The following PLXNA4 variants were observed in gnomAD, a reference collection of about 807,000 sequenced individuals.
PLXNA4 encodes plexin A4.
In PLXNA4, 44 loss-of-function variants were observed where a neutral mutation model predicts 191.8. The observed-to-expected ratio is 0.23, with a 90% CI of 0.18 to 0.29. The LOEUF (loss-of-function observed/expected upper bound fraction) is 0.29. PLXNA4 is among the 10% of genes least tolerant of loss of function. The probability of loss-of-function intolerance (pLI) is 1.00; values close to 1 mark genes in which losing one functional copy is unlikely to be tolerated. For synonymous variants in PLXNA4, 1,082 were observed against 1,009.5 expected, an observed-to-expected ratio of 1.07 and a Z score of -1.36; for missense variants, 1,800 against 2,488.8, an observed-to-expected ratio of 0.72 and a Z score of 5.89.
At chr7:132,644,543 T>G (rs1268872009) in intron 2 of PLXNA4, among the ~76,000 whole-genome samples, 2 of 152,168 alleles carry the variant, frequency 1.3e-5, no homozygotes, top group Non-Finnish European at 2.9e-5. Context: ...TCAAAGGGGC[T>G]GGGTGACCAG....
rs1267424766 is a variant in PLXNA4, at chr7:132,461,484, A to T, written c.1371+27808T>A. Among the ~76,000 whole-genome samples, 3 of 152,234 alleles carry T rather than the reference A, an allele frequency of 2.0e-5. No homozygotes were observed. The East Asian group carries it at 5.8e-4, about 29-fold the overall frequency. The stretch of plus-strand genomic sequence containing the variant: ...GCCCTCCAAAGAGAAAACATCACAG[A>T]GCAGACATCTTGATGAGAATGATAA... On this transcript the variant is annotated intron_variant, in intron 3 of 31. Transcript: ENST00000321063.
intron 1 of PLXNA4, among the ~76,000 whole-genome samples, chr7:132,545,530 CA>C (rs1222843198): frequency 3.3e-5 from 5 of 152,180 alleles, no homozygotes; most frequent in African/African-American, 1.2e-4. Context: ...AATCCTTGTA[CA>C]TTTGCCACCC....
chr7:132,404,290 T>C (rs1585089718), intron 3 of PLXNA4, among the ~76,000 whole-genome samples: 1 of 152,294 alleles, frequency 6.6e-6, no homozygotes, highest in South Asian at 2.1e-4. Context: ...AAGAAAGCTT[T>C]CCAAAGACCC....
chr7:132,289,800 TG>T (rs2116453422), intron 4 of PLXNA4, among the ~76,000 whole-genome samples: 2 of 152,184 alleles, frequency 1.3e-5, no homozygotes, highest in South Asian at 4.2e-4. Flanking sequence ...CTCAAAGTGC[TG>T]GGATTATAGG....
intron 3 of PLXNA4, among the ~76,000 whole-genome samples, chr7:132,375,305 C>T (rs979927870): frequency 8.0e-5 from 12 of 149,180 alleles, no homozygotes; most frequent in Non-Finnish European, 1.5e-4. Flanking sequence ...CCCCAGCCCT[C>T]AAAACAATTT....
At chr7:132,190,541 G>GT (rs1306120594) in intron 14 of PLXNA4, among the ~76,000 whole-genome samples, 1 of 152,186 alleles carries the variant, frequency 6.6e-6, no homozygotes, top group Non-Finnish European at 1.5e-5. Flanking sequence ...AGGGCATTTT[G>GT]TTTAATGGTC....
intron 3 of PLXNA4, among the ~76,000 whole-genome samples, chr7:132,341,072 C>T (rs1293292614): frequency 6.6e-6 from 1 of 152,158 alleles, no homozygotes; most frequent in Admixed American, 6.5e-5. Flanking sequence ...TTTCGAGGGG[C>T]ATGAGGTTTA....
At chr7:132,594,153 GT>G (rs1252583825) in intron 2 of PLXNA4, among the ~76,000 whole-genome samples, 7 of 152,232 alleles carry the variant, frequency 4.6e-5, no homozygotes, top group Non-Finnish European at 1.0e-4. Context: ...TAGGGACATT[GT>G]AGATGTAATT....
chr7:132,524,409 G>T (rs1309192696), intron 1 of PLXNA4, among the ~76,000 whole-genome samples: 1 of 152,174 alleles, frequency 6.6e-6, no homozygotes, highest in African/African-American at 2.4e-5. Context: ...GATTGAAAAT[G>T]GAAAAGGGGA....
At chr7:132,282,057 C>T (rs201309729) in intron 4 of PLXNA4, among the ~76,000 whole-genome samples, 2 of 152,152 alleles carry the variant, frequency 1.3e-5, no homozygotes, top group East Asian at 3.9e-4. Context: ...CTCTCTAATG[C>T]ATGAATGACT....
chr7:132,447,001 T>C (rs1286194161), intron 3 of PLXNA4, among the ~76,000 whole-genome samples: 1 of 152,200 alleles, frequency 6.6e-6, no homozygotes, highest in African/African-American at 2.4e-5. Context: ...TGCCCAGTGA[T>C]CTGCTGATTT....
intron 4 of PLXNA4, among the ~76,000 whole-genome samples, chr7:132,262,038 C>A (rs1389094439): frequency 6.6e-6 from 1 of 152,190 alleles, no homozygotes; most frequent in Non-Finnish European, 1.5e-5. Context: ...GAGGCTCCTT[C>A]CTGCTCTAAC....
intron 3 of PLXNA4, among the ~76,000 whole-genome samples, chr7:132,320,824 A>G (rs1191346735): frequency 6.6e-6 from 1 of 152,114 alleles, no homozygotes; most frequent in Non-Finnish European, 1.5e-5. Flanking sequence ...GACCTACAGA[A>G]TCAGAAACTC....
chr7:132,554,944 G>C (rs1008839705), intron 1 of PLXNA4, among the ~76,000 whole-genome samples: 1 of 151,324 alleles, frequency 6.6e-6, no homozygotes, highest in African/African-American at 2.4e-5. Context: ...GTAGGCTCCA[G>C]GCAATAATTA....
chr7:132,230,202 C>T (rs1249277552), intron 5 of PLXNA4, among the ~76,000 whole-genome samples: 1 of 152,184 alleles, frequency 6.6e-6, no homozygotes, highest in East Asian at 1.9e-4. Flanking sequence ...CAAACCCCAC[C>T]TTGTCAGGAT....
chr7:132,203,560 C>T (rs945426740), intron 10 of PLXNA4, 141 bp from the exon 11 acceptor site: 4 of 701,714 alleles, frequency 5.7e-6, no homozygotes, highest in African/African-American at 3.5e-5. Context: ...ATGTGTCTAC[C>T]TGTGTGCATA....
At chr7:132,214,984 T>C (rs1274079244) in intron 9 of PLXNA4, among the ~76,000 whole-genome samples, 2 of 152,158 alleles carry the variant, frequency 1.3e-5, no homozygotes, top group Non-Finnish European at 2.9e-5. Flanking sequence ...TTTCCTCCTC[T>C]TTCCTCCCAA....
intron 1 of PLXNA4, among the ~76,000 whole-genome samples, chr7:132,568,025 A>T (rs1408920367): frequency 6.6e-6 from 1 of 152,190 alleles, no homozygotes; most frequent in Admixed American, 6.5e-5. Context: ...TCACAAGCAC[A>T]GCATGACCAT....
chr7:132,144,561 C>T (rs368364028), intron 29 of PLXNA4, among the ~76,000 whole-genome samples: 1 of 152,218 alleles, frequency 6.6e-6, no homozygotes, highest in Non-Finnish European at 1.5e-5. Context: ...TAGGAATGCC[C>T]TTTGTTCACC....
Sources: allele counts gnomAD v4.1 joint callset (sites outside exome capture counted in the v4.1 genomes callset), GRCh38; gene constraint gnomAD v4.1.1; transcripts MANE v1.5; gene names NCBI Gene and HGNC (gene_info 2026-07-23, HGNC 2026-07-21).